HS6ST3: variants seen among roughly 807,000 people sequenced by gnomAD.
The protein encoded by HS6ST3 is heparan-sulfate 6-O-sulfotransferase 3.
HS6ST3 carries 12 observed loss-of-function variants against 36.7 expected under a neutral mutation model. That is an observed-to-expected ratio of 0.33 (90% CI 0.21 to 0.53). The LOEUF (loss-of-function observed/expected upper bound fraction) is 0.53, where lower values mean the gene tolerates loss of function less well. Among genes scored for constraint, HS6ST3 ranks in the 20% least tolerant of loss-of-function variants. The pLI, the probability that HS6ST3 is intolerant of heterozygous loss-of-function variation, is 0.95. For synonymous variants in HS6ST3, 240 were observed against 257.5 expected (o/e 0.93, Z 0.65); for missense variants, 584 against 640.9 (o/e 0.91, Z 0.96).
intron 1 of HS6ST3, among the ~76,000 whole-genome samples, chr13:96,543,252 C>T (rs2056184938): frequency 6.6e-6 from 1 of 152,182 alleles, no homozygotes; most frequent in Non-Finnish European, 1.5e-5. Flanking sequence ...GTACTTCAGT[C>T]ATCCTCCCCC....
chr13:96,670,312 G>A (rs1476463682), intron 1 of HS6ST3, among the ~76,000 whole-genome samples: 1 of 152,112 alleles, frequency 6.6e-6, no homozygotes, highest in Non-Finnish European at 1.5e-5. Context: ...AGGGACAAAA[G>A]TCTGTTTGAG....
At chr13:96,496,059 G>C (rs1335632400) in intron 1 of HS6ST3, among the ~76,000 whole-genome samples, 1 of 152,202 alleles carries the variant, frequency 6.6e-6, no homozygotes, top group Non-Finnish European at 1.5e-5. Context: ...CCACATTAGA[G>C]GAAGCAGGGT....
intron 1 of HS6ST3, among the ~76,000 whole-genome samples, chr13:96,438,673 A>G (rs1366437255): frequency 1.3e-5 from 2 of 152,250 alleles, no homozygotes; most frequent in African/African-American, 2.4e-5. Flanking sequence ...CCTGACCAAT[A>G]ATGCCTGTAG....
At chr13:96,093,910 G>A (rs971709251) in intron 1 of HS6ST3, among the ~76,000 whole-genome samples, 2 of 152,050 alleles carry the variant, frequency 1.3e-5, no homozygotes, top group African/African-American at 2.4e-5. Flanking sequence ...ATAATCTATT[G>A]GTACATAATG....
intron 1 of HS6ST3, among the ~76,000 whole-genome samples, chr13:96,342,118 T>C (rs1363369932): frequency 6.6e-6 from 1 of 152,086 alleles, no homozygotes; most frequent in East Asian, 1.9e-4. Flanking sequence ...ATCACAACAA[T>C]AAAGGGATCT....
chr13:96,467,476 A>G (rs1292083508), intron 1 of HS6ST3, among the ~76,000 whole-genome samples: 1 of 152,164 alleles, frequency 6.6e-6, no homozygotes, highest in African/African-American at 2.4e-5. Context: ...TCTTTACCTT[A>G]GTAGAGTTTC....
At chr13:96,601,683 T>C in intron 1 of HS6ST3, among the ~76,000 whole-genome samples, 1 of 152,122 alleles carries the variant, frequency 6.6e-6, no homozygotes, top group Non-Finnish European at 1.5e-5. Context: ...TGCAGAACTC[T>C]TTTTTTTCAT....
At chr13:96,609,278 T>C (rs1046906139) in intron 1 of HS6ST3, among the ~76,000 whole-genome samples, 3 of 152,096 alleles carry the variant, frequency 2.0e-5, no homozygotes, top group Admixed American at 6.5e-5. Context: ...CCTCTTTTAT[T>C]TTAAAATAAA....
chr13:96,804,137 C>T (rs1414123391), intron 1 of HS6ST3, among the ~76,000 whole-genome samples: 3 of 148,322 alleles, frequency 2.0e-5, no homozygotes, highest in East Asian at 3.9e-4. Context: ...GGTTTTCAGC[C>T]CTGTTTTGCC....
intron 1 of HS6ST3, among the ~76,000 whole-genome samples, chr13:96,561,292 T>C (rs2138955401): frequency 6.6e-6 from 1 of 152,250 alleles, no homozygotes; most frequent in South Asian, 2.1e-4. Context: ...GAAAGGACTT[T>C]CTATTGAATA....
intron 1 of HS6ST3, among the ~76,000 whole-genome samples, chr13:96,305,967 T>A (rs1281490236): frequency 6.6e-6 from 1 of 151,618 alleles, no homozygotes; most frequent in Non-Finnish European, 1.5e-5. Flanking sequence ...CTGTGTCACG[T>A]AGTGGCCAGG....
At chr13:96,179,760 A>G (rs950269982) in intron 1 of HS6ST3, among the ~76,000 whole-genome samples, 1 of 151,916 alleles carries the variant, frequency 6.6e-6, no homozygotes, top group Non-Finnish European at 1.5e-5. Context: ...AATAGCAATC[A>G]TTTATTATGT....
At chr13:96,419,814 T>C (rs778923120) in intron 1 of HS6ST3, among the ~76,000 whole-genome samples, 5 of 152,194 alleles carry the variant, frequency 3.3e-5, no homozygotes, top group African/African-American at 4.8e-5. Flanking sequence ...CTCCTCGTGT[T>C]TGTGTCCACA....
At chr13:96,577,389 C>T (rs2056325780) in intron 1 of HS6ST3, among the ~76,000 whole-genome samples, 1 of 152,122 alleles carries the variant, frequency 6.6e-6, no homozygotes, top group South Asian at 2.1e-4. Context: ...GTATATGTGC[C>T]ACATTTTCTT....
At chr13:96,830,327 A>G (rs1878750186) in intron 1 of HS6ST3, among the ~76,000 whole-genome samples, 1 of 152,164 alleles carries the variant, frequency 6.6e-6, no homozygotes, top group Non-Finnish European at 1.5e-5. Context: ...GCACACCACC[A>G]TTTATCTTTA....
intron 1 of HS6ST3, among the ~76,000 whole-genome samples, chr13:96,202,493 T>A (rs1317112424): frequency 1.3e-5 from 2 of 152,210 alleles, no homozygotes; most frequent in Admixed American, 6.5e-5. Flanking sequence ...CATCCCACCA[T>A]GCCGTGGCTT....
At chr13:96,185,432 A>G (rs904442589) in intron 1 of HS6ST3, among the ~76,000 whole-genome samples, 1 of 152,200 alleles carries the variant, frequency 6.6e-6, no homozygotes. Flanking sequence ...CCAACGTCTA[A>G]TGAGTGGCAG....
At chr13:96,144,054 G>C (rs2054044569) in intron 1 of HS6ST3, among the ~76,000 whole-genome samples, 1 of 152,106 alleles carries the variant, frequency 6.6e-6, no homozygotes, top group Non-Finnish European at 1.5e-5. Flanking sequence ...GAAAAGCTTT[G>C]AAATCAGACA....
chr13:96,722,186 A>C (rs781236654), intron 1 of HS6ST3, among the ~76,000 whole-genome samples: 16 of 152,160 alleles, frequency 1.1e-4, no homozygotes, highest in Non-Finnish European at 2.2e-4. Flanking sequence ...CATCACTTGA[A>C]TCTGGGAGGC....
Sources: allele counts gnomAD v4.1 joint callset (sites outside exome capture counted in the v4.1 genomes callset), GRCh38; gene constraint gnomAD v4.1.1; transcripts MANE v1.5; gene names NCBI Gene and HGNC (gene_info 2026-07-23, HGNC 2026-07-21).